Variants in YBX2 observed in about 807,000 individuals in gnomAD.
The protein encoded by YBX2 is Y-box-binding protein 2.
A neutral mutation model predicts 44.4 loss-of-function variants in YBX2; 5 were observed. That is an observed-to-expected ratio of 0.11 (90% CI 0.06 to 0.24). YBX2 has a LOEUF of 0.24. YBX2 is among the 10% of genes least tolerant of loss of function. YBX2 has a pLI of 1.00. For missense variants in YBX2, 417 were observed against 526.9 expected, an observed-to-expected ratio of 0.79 and a Z score of 2.04; for synonymous variants, 188 against 216.1, an observed-to-expected ratio of 0.87 and a Z score of 1.14.
Position 7,290,113 on chromosome 17 carries a change from G to A in YBX2, c.745-42C>T, listed in dbSNP as rs112294665. On this transcript the variant is annotated intron_variant, in intron 5 of 8. Coordinates refer to ENST00000007699, the MANE Select transcript of YBX2 (RefSeq NM_015982.4). Reference sequence around the variant, plus strand: ...GCCCCGGTGAGCTGTGGGGACAGCAGCTGCTCTGGAGCCAGATTATCCACA... The same window carrying A: ...GCCCCGGTGAGCTGTGGGGACAGCAACTGCTCTGGAGCCAGATTATCCACA... 62 of 1,612,384 alleles carry A rather than the reference G, an allele frequency of 3.8e-5. No individual in the cohort carries two copies. In the African/African-American group the frequency reaches 6.4e-4, roughly 17 times the overall value.
chr17:7,293,317 G>A (rs984650606), intron 2 of YBX2, 158 bp downstream of exon 2: 23 of 1,341,542 alleles, frequency 1.7e-5, no homozygotes, highest in Non-Finnish European at 2.2e-5. Flanking sequence ...TTGTCACGAA[G>A]CACACATTTG....
In YBX2 at chr17:7,294,074, G is replaced by A; in HGVS notation, c.271+156C>T. 1 of 873,882 alleles carries A rather than the reference G, an allele frequency of 1.1e-6. No individual in the cohort carries two copies. Among genetic ancestry groups the A allele is most frequent in the Non-Finnish European group, 1.5e-6 (1 of 657,838 alleles). 54.1% of individuals were successfully genotyped at this position (873,882 alleles called of 1,614,324 possible). ...GAAGGTACGGCAGGATTTCCCACCAGGGGAATCCACTTTGGTGCGCAGCTC... is the reference window on the plus strand; with the variant it reads ...GAAGGTACGGCAGGATTTCCCACCAAGGGAATCCACTTTGGTGCGCAGCTC... On this transcript the variant is annotated intron_variant, in intron 1 of 8. Transcript: ENST00000007699. This position sits in a 1 kb window ranked among gnomAD's most constrained non-coding sequence, Gnocchi z 4.6.
At position 7,289,687 on chromosome 17, in the gene YBX2, T is replaced by C. The variant is rs760581439; in HGVS notation, c.887A>G (p.Glu296Gly). The change falls in exon 7 of 9, where the codon GAA becomes GGA. Residue 296 changes from glutamate to glycine, a missense_variant. This residue lies in a region of YBX2 where 257 missense variants were observed against 261.7 expected (regional missense o/e 0.98). Coordinates refer to ENST00000007699, the MANE Select transcript of YBX2 (RefSeq NM_015982.4). ...RPRPRQQPTT[E>G]GGDGETKPSQ... ...GGGCTTGGTCTCACCATCCCCACCT[T>C]CTGTGGTAGGCTGCTGGCGTGGCCT... The C allele has an allele frequency of 6.2e-7, 1 of 1,614,034 alleles. No individual in the cohort carries two copies. Among genetic ancestry groups the C allele is most frequent in the Non-Finnish European group, 8.5e-7 (1 of 1,179,944 alleles).
Position 7,289,963 on chromosome 17 carries a change from C to G in YBX2, c.848+5G>C, listed in dbSNP as rs2143005540. ...GAAGACCAAGCCCCAGCAGGGGGGT[C>G]TTACCTTCGGTACCTGGGCCGGAAT... is the stretch of plus-strand genomic sequence containing the variant. On this transcript the variant is annotated splice_donor_5th_base_variant and intron_variant, in intron 6 of 8. Coordinates refer to ENST00000007699, the MANE Select transcript of YBX2 (RefSeq NM_015982.4). 1 of 1,614,174 alleles carries G rather than the reference C, an allele frequency of 6.2e-7. No individual in the cohort carries two copies. Among genetic ancestry groups the G allele is most frequent in the Middle Eastern group, 1.7e-4 (1 of 6,056 alleles).
chr17:7,291,727 G>C lies in YBX2; in HGVS notation c.369+299C>G. 1 of 467,992 alleles carries C rather than the reference G, an allele frequency of 2.1e-6. No individual in the cohort carries two copies. The allele number at this position is 467,992 out of a possible 1,614,324, so 29.0% of individuals were successfully genotyped here. A position where few individuals can be genotyped will look rare whatever the true frequency, so the allele number is the denominator to read the frequency against. ...GCCGCTGGTGCAGGGGCCACGCTTT[G>C]AGAACCACTGCACCCAAGGACCTTC... On this transcript the variant is annotated intron_variant, in intron 3 of 8. Transcript: ENST00000007699. The surrounding 1 kb of genome is among the most constrained non-coding windows in gnomAD (Gnocchi z 5.8).
Position 7,289,998 on chromosome 17 carries a change from G to A in YBX2, c.818C>T (p.Pro273Leu). Residue 273 changes from proline to leucine, a missense_variant, in exon 6 of 9, where the codon CCC (proline) becomes CTC (leucine). By Grantham distance (98) the Pro-to-Leu change is moderately conservative. This residue lies in a region of YBX2 where 257 missense variants were observed against 261.7 expected (regional missense o/e 0.98). Transcript: ENST00000007699. ...GHQQQGDERV[P>L]PPRFRPRYRR... ...GTACCTGGGCCGGAATCTGGGCGGGGGGACTCGCTCATCTCCCTGCTGTTG... is the reference window on the plus strand; with the variant it reads ...GTACCTGGGCCGGAATCTGGGCGGGAGGACTCGCTCATCTCCCTGCTGTTG... The A allele has an allele frequency of 6.2e-7, 1 of 1,614,240 alleles. No individual in the cohort carries two copies. The highest frequency in any genetic ancestry group is 8.5e-7 in the Non-Finnish European group (1 of 1,180,030).
In YBX2 at chr17:7,291,248, G is replaced by C; in HGVS notation, c.370-66C>G. ...ACAGGAGTCTCTGTCACCCCTGCTGGGGCCACCACCCAATTTCATTCTTTC... is the reference window on the plus strand; with the variant it reads ...ACAGGAGTCTCTGTCACCCCTGCTGCGGCCACCACCCAATTTCATTCTTTC... On this transcript the variant is annotated intron_variant, in intron 3 of 8. Transcript: ENST00000007699. This position sits in a 1 kb window ranked among gnomAD's most constrained non-coding sequence, Gnocchi z 5.8. The C allele has an allele frequency of 1.4e-6, 2 of 1,476,288 alleles. No individual in the cohort carries two copies. Among genetic ancestry groups the C allele is most frequent in the Admixed American group, 1.7e-5 (1 of 58,576 alleles). The allele number at this position is 1,476,288 out of a possible 1,614,324, so 91.4% of individuals were successfully genotyped here. A position where few individuals can be genotyped will look rare whatever the true frequency, so the allele number is the denominator to read the frequency against.
chr17:7,291,453 G>A lies in YBX2; in HGVS notation c.370-271C>T. 2.0e-6 allele frequency: 1 copy of A among 512,312 alleles called. No individual in the cohort carries two copies. Among genetic ancestry groups the A allele is most frequent in the Non-Finnish European group, 3.5e-6 (1 of 282,692 alleles). The allele number at this position is 512,312 out of a possible 1,614,324, so 31.7% of individuals were successfully genotyped here. ...CCCCTCAGGGATTTCAGAAAGGGAG[G>A]CAAGAAATATGAACTCCAAAGCAAA... is the stretch of plus-strand genomic sequence containing the variant. On this transcript the variant is annotated intron_variant, in intron 3 of 8. Coordinates refer to ENST00000007699, the MANE Select transcript of YBX2 (RefSeq NM_015982.4). The surrounding 1 kb of genome is among the most constrained non-coding windows in gnomAD (Gnocchi z 5.8).
chr17:7,291,851 A>G lies in YBX2; in HGVS notation c.369+175T>C. On this transcript the variant is annotated intron_variant, in intron 3 of 8. Transcript: ENST00000007699. This position sits in a 1 kb window ranked among gnomAD's most constrained non-coding sequence, Gnocchi z 5.8. The stretch of plus-strand genomic sequence containing the variant: ...GGGGTAACATGCTCAATTCTGACGG[A>G]CGTTTAGTAACCCAGCACAAGTGCG... 1.3e-6 allele frequency: 1 copy of G among 757,366 alleles called. No individual in the cohort carries two copies. The highest frequency in any genetic ancestry group is 2.2e-6 in the Non-Finnish European group (1 of 445,464). 46.9% of individuals were successfully genotyped at this position (757,366 alleles called of 1,614,324 possible).
chr17:7,292,234 T>TCTCTTTA, intron 2 of YBX2, 175 bp from the exon 3 acceptor site: 1 of 733,236 alleles, frequency 1.4e-6, no homozygotes, highest in Non-Finnish European at 2.4e-6. Context: ...CCCCAGAAGC[T>TCTCTTTA]GGTGTAAAGA....
Position 7,289,639 on chromosome 17 carries a change from G to A in YBX2, c.935C>T (p.Ser312Phe), listed in dbSNP as rs1282655393. ...TKPSQGPADGSRPEPQRPRNR... is the reference protein window; with the variant it reads ...TKPSQGPADGFRPEPQRPRNR... ...TCGTGGGCGCTGGGGCTCAGGCCGG[G>A]AACCATCAGCGGGACCTTGGCTGGG... The change falls in exon 7 of 9, where the codon TCC becomes TTC. Residue 312 changes from serine (S) to phenylalanine (F), a missense_variant. By Grantham distance (155) the Ser-to-Phe change is radical. Coordinates refer to ENST00000007699, the MANE Select transcript of YBX2 (RefSeq NM_015982.4). 6.2e-7 allele frequency: 1 copy of A among 1,614,088 alleles called. No homozygotes were observed. Among genetic ancestry groups the A allele is most frequent in the South Asian group, 1.1e-5 (1 of 91,088 alleles).
chr17:7,290,279 CG>C lies in YBX2; in HGVS notation c.715del (p.Arg239GlyfsTer9). On this transcript the variant is annotated frameshift_variant, in exon 5 of 9. Transcript: ENST00000007699. LOFTEE classifies it high-confidence loss of function. ...TATAGGCTGCTGCTGGTTGGGAGGC[CG>C]GGGGCCTCGCACAAACCGCCGTCGG... is the stretch of plus-strand genomic sequence containing the variant. ...FYRRRFVRGP[R>X]PPNQQQPIEG... 6.2e-7 allele frequency: 1 copy of C among 1,613,168 alleles called. No homozygotes were observed. Among genetic ancestry groups the C allele is most frequent in the Non-Finnish European group, 8.5e-7 (1 of 1,179,514 alleles).
At chr17:7,290,618 G>A in intron 4 of YBX2, 83 bp from the exon 5 acceptor site, 1 of 1,513,804 alleles carries the variant, frequency 6.6e-7, no homozygotes, top group Non-Finnish European at 9.0e-7. Context: ...TCTTTCAGGG[G>A]AAGACCCCTC....
At chr17:7,293,259 G>GA (rs2072514645) in intron 2 of YBX2, 1 of 777,114 alleles carries the variant, frequency 1.3e-6, no homozygotes, top group Admixed American at 2.6e-5. Context: ...CCAAGTTCCT[G>GA]AATCATTAAT....
Position 7,291,417 on chromosome 17 carries a change from G to A in YBX2, c.370-235C>T, listed in dbSNP as rs1004999028. ...ATGCACTCCCCGCACCTCCCCTCCC[G>A]CCCCGCTTTACCCCTCAGGGATTTC... On this transcript the variant is annotated intron_variant, in intron 3 of 8. Coordinates refer to ENST00000007699, the MANE Select transcript of YBX2 (RefSeq NM_015982.4). The surrounding 1 kb of genome is among the most constrained non-coding windows in gnomAD (Gnocchi z 5.8). The A allele has an allele frequency of 3.0e-5, 17 of 563,948 alleles. No homozygotes were observed. The highest frequency in any genetic ancestry group is 5.7e-5 in the African/African-American group (3 of 52,888). The allele number at this position is 563,948 out of a possible 1,614,324, so 34.9% of individuals were successfully genotyped here. A position where few individuals can be genotyped will look rare whatever the true frequency, so the allele number is the denominator to read the frequency against.
Position 7,291,368 on chromosome 17 carries a change from T to C in YBX2, c.370-186A>G, listed in dbSNP as rs900475591. On this transcript the variant is annotated intron_variant, in intron 3 of 8. Coordinates refer to ENST00000007699, the MANE Select transcript of YBX2 (RefSeq NM_015982.4). This position sits in a 1 kb window ranked among gnomAD's most constrained non-coding sequence, Gnocchi z 5.8. ...TCCTGAACTCAGGGCCTCAGCAGAT[T>C]GTGCAGTTACCACCATCCCCAGGAT... 5 of 647,912 alleles carry C rather than the reference T, an allele frequency of 7.7e-6. No individual in the cohort carries two copies. The African/African-American group carries it at 9.0e-5, about 12-fold the overall frequency. 40.1% of individuals were successfully genotyped at this position (647,912 alleles called of 1,614,324 possible).
At chr17:7,292,680 G>C (rs2072510098) in intron 2 of YBX2, 1 of 152,868 alleles carries the variant, frequency 6.5e-6, no homozygotes, top group African/African-American at 2.4e-5. Context: ...TCTATCATAA[G>C]AACCCCAGTG....
At chr17:7,293,829 T>C in intron 1 of YBX2, 1 of 575,558 alleles carries the variant, frequency 1.7e-6, no homozygotes, top group Non-Finnish European at 3.0e-6. Flanking sequence ...GGTACTCACC[T>C]GGTCTGCAAA....
At chr17:7,293,402 T>C (rs549610331) in intron 2 of YBX2, 73 bp downstream of exon 2, 130 of 1,607,928 alleles carry the variant, frequency 8.1e-5, no homozygotes, top group Non-Finnish European at 1.1e-4. Flanking sequence ...TCGATGAGGT[T>C]GGGCGGGTGT....
Sources: allele counts gnomAD v4.1 joint callset, GRCh38; gene constraint gnomAD v4.1.1; regional missense constraint gnomAD v4.1.1; non-coding constraint Gnocchi (gnomAD v3.1); transcripts MANE v1.5; gene names NCBI Gene and HGNC (gene_info 2026-07-23, HGNC 2026-07-21).